The following DNAH11 variants were observed in gnomAD, a reference collection of about 807,000 sequenced individuals.
The protein encoded by DNAH11 is dynein axonemal heavy chain 11, also known as axonemal beta dynein heavy chain 11.
DNAH11 carries 442 observed loss-of-function variants against 526.0 expected under a neutral mutation model. The observed-to-expected ratio is 0.84, with a 90% CI of 0.78 to 0.91. The LOEUF (loss-of-function observed/expected upper bound fraction) is 0.91, where lower values mean the gene tolerates loss of function less well. Ranked by LOEUF, DNAH11 falls within the 40% of genes least tolerant of loss-of-function variation. The pLI is 0.00. For missense variants in DNAH11, 6,989 were observed against 5,448.7 expected (o/e 1.28, Z -8.90); for synonymous variants, 2,461 against 1,935.9 (o/e 1.27, Z -7.12).
At chr7:21,827,369 AT>A (rs1439347079) in intron 65 of DNAH11, among the ~76,000 whole-genome samples, 5 of 152,160 alleles carry the variant, frequency 3.3e-5, no homozygotes, top group Non-Finnish European at 5.9e-5. Context: ...TCTGGGAAGC[AT>A]CTTCATAAAA....
chr7:21,629,650 T>C (rs1408574393), intron 25 of DNAH11, among the ~76,000 whole-genome samples: 1 of 152,164 alleles, frequency 6.6e-6, no homozygotes, highest in African/African-American at 2.4e-5. Context: ...TCTTGCCTAA[T>C]TGGTTCCTTT....
At chr7:21,789,796 TCTTTCTTTCTTTTTTC>T (rs1221921380) in intron 61 of DNAH11, among the ~76,000 whole-genome samples, 5 of 70,644 alleles carry the variant, frequency 7.1e-5, no homozygotes, top group African/African-American at 1.0e-4. Flanking sequence ...TTTCTTTCTT[TCTTTCTTTCTTTTTTC>T]TTTCTTTCTT....
intron 10 of DNAH11, 93 bp from the exon 11 acceptor site, chr7:21,588,418 TA>T: frequency 1.3e-6 from 2 of 1,509,608 alleles, no homozygotes; most frequent in Non-Finnish European, 1.8e-6. Flanking sequence ...TATACTACTG[TA>T]AAAATACCAA....
chr7:21,874,027 G>A (rs1783604465), intron 74 of DNAH11, among the ~76,000 whole-genome samples: 1 of 151,838 alleles, frequency 6.6e-6, no homozygotes, highest in African/African-American at 2.4e-5. Flanking sequence ...CTGACCTCAG[G>A]TGATCCACCT....
chr7:21,802,861 A>G (rs922618814), intron 62 of DNAH11, among the ~76,000 whole-genome samples: 1 of 151,788 alleles, frequency 6.6e-6, no homozygotes, highest in Admixed American at 6.6e-5. Flanking sequence ...GGGAGTGACT[A>G]CTACTGGATA....
rs80267624 is a variant in DNAH11 at position 21,750,304 on chromosome 7, G to A, written c.8880G>A (p.Met2960Ile). The change falls in exon 54 of 82, where the codon ATG (methionine) becomes ATA (isoleucine). Residue 2960 changes from methionine (M) to isoleucine (I), a missense_variant. Physicochemically the swap from Met to Ile is conservative, Grantham distance 10 (BLOSUM62 1). Transcript: ENST00000409508. ...ATAATGAAGTTCATGCTCTGGGCAT[G>A]GTAGACTCCAGGGAAAACTGTTGGA... ...GIHNEVHALGMVDSRENCWKF... is the reference protein window; with the variant it reads ...GIHNEVHALGIVDSRENCWKF... 19 of 1,605,822 alleles carry A rather than the reference G, an allele frequency of 1.2e-5. No individual in the cohort carries two copies. The East Asian group carries it at 4.3e-4, about 36-fold the overall frequency.
At chr7:21,554,067 G>C (rs184517955) in intron 2 of DNAH11, among the ~76,000 whole-genome samples, 69 of 151,670 alleles carry the variant, frequency 4.5e-4, no homozygotes, top group African/African-American at 1.5e-3. Flanking sequence ...GGTTTTTGTT[G>C]AATCTCCAAT....
chr7:21,577,534 T>A (rs1321564244), intron 8 of DNAH11, among the ~76,000 whole-genome samples: 1 of 152,154 alleles, frequency 6.6e-6, no homozygotes, highest in Non-Finnish European at 1.5e-5. Flanking sequence ...GAGTCCAGAC[T>A]ATCACCCTGA....
At position 21,801,287 on chromosome 7, in the gene DNAH11, T is replaced by C. The variant is rs770992639; in HGVS notation, c.10165+12T>C. On this transcript the variant is annotated intron_variant, in intron 62 of 81. Transcript: ENST00000409508. The stretch of plus-strand genomic sequence containing the variant: ...GGAACTTGAGGCAAGTTAAACCTTT[T>C]CTTCCAAACATTCTAACTAAAATGT... 1 of 1,613,552 alleles carries C rather than the reference T, an allele frequency of 6.2e-7. No homozygotes were observed. Among genetic ancestry groups the C allele is most frequent in the Non-Finnish European group, 8.5e-7 (1 of 1,179,748 alleles).
At chr7:21,554,321 G>A (rs571164907) in intron 2 of DNAH11, among the ~76,000 whole-genome samples, 6 of 151,928 alleles carry the variant, frequency 3.9e-5, no homozygotes, top group Middle Eastern at 3.4e-3. Context: ...TTACAGGTGC[G>A]TACCACCATG....
At chr7:21,696,225 G>A in intron 35 of DNAH11, among the ~76,000 whole-genome samples, 1 of 152,028 alleles carries the variant, frequency 6.6e-6, no homozygotes, top group East Asian at 1.9e-4. Context: ...CTTAAAGTTT[G>A]CTTGTCCATC....
chr7:21,843,434 A>G (rs1263276521), intron 66 of DNAH11, among the ~76,000 whole-genome samples: 3 of 151,870 alleles, frequency 2.0e-5, no homozygotes, highest in African/African-American at 7.3e-5. Flanking sequence ...GCATATAACT[A>G]CACACAGATT....
chr7:21,663,379 T>TATGGAG (rs1365140626), intron 30 of DNAH11, among the ~76,000 whole-genome samples: 1 of 152,144 alleles, frequency 6.6e-6, no homozygotes, highest in Non-Finnish European at 1.5e-5. Flanking sequence ...GTTCTATTAT[T>TATGGAG]AGTTCTTTGA....
intron 30 of DNAH11, among the ~76,000 whole-genome samples, chr7:21,671,549 T>G (rs1782642870): frequency 6.6e-6 from 1 of 152,180 alleles, no homozygotes; most frequent in Non-Finnish European, 1.5e-5. Context: ...TTCTCTTTTT[T>G]TTCTTAATTG....
At chr7:21,588,228 T>A in intron 10 of DNAH11, 27 bp downstream of exon 10, 2 of 1,597,980 alleles carry the variant, frequency 1.3e-6, no homozygotes, top group African/African-American at 1.3e-5. Context: ...GTTGGACACA[T>A]TTACAATATC....
At chr7:21,811,455 C>CAAAA (rs33956308) in intron 63 of DNAH11, among the ~76,000 whole-genome samples, 2 of 144,132 alleles carry the variant, frequency 1.4e-5, no homozygotes, top group Non-Finnish European at 3.1e-5. Flanking sequence ...GATGCCATCT[C>CAAAA]AAAAAAAAAA....
chr7:21,842,686 C>G lies in DNAH11; in HGVS notation c.10834C>G (p.Leu3612Val). 1 of 1,613,752 alleles carries G rather than the reference C, an allele frequency of 6.2e-7. No individual in the cohort carries two copies. Among genetic ancestry groups the G allele is most frequent in the South Asian group, 1.1e-5 (1 of 91,030 alleles). The change falls in exon 66 of 82, where the codon CTA (leucine) becomes GTA (valine). Residue 3612 changes from leucine to valine, a missense_variant. Transcript: ENST00000409508. ...CAATTTCACAGTCACAGAAGATGGT[C>G]TAGAAGCCCAGCTGCTGGCAGAGGT... Reference protein sequence around the residue: ...LLNFTVTEDGLEAQLLAEVVS... With the variant: ...LLNFTVTEDGVEAQLLAEVVS...
At chr7:21,868,123 T>C in intron 72 of DNAH11, 116 bp downstream of exon 72, 1 of 892,796 alleles carries the variant, frequency 1.1e-6, no homozygotes, top group Non-Finnish European at 1.5e-6. Flanking sequence ...TTTTTTTTAA[T>C]TTGTTGAAGA....
At chr7:21,640,859 CTCTG>C (rs1033225677) in intron 28 of DNAH11, among the ~76,000 whole-genome samples, 5 of 152,158 alleles carry the variant, frequency 3.3e-5, no homozygotes, top group Non-Finnish European at 7.4e-5. Context: ...CATCCCCCGT[CTCTG>C]TCCATTTATC....
Sources: gnomAD v4.1 joint callset for allele counts (sites outside exome capture counted in the v4.1 genomes callset) on GRCh38, gnomAD v4.1.1 for gene constraint, MANE v1.5 for transcripts, NCBI Gene and HGNC (gene_info 2026-07-23, HGNC 2026-07-21) for gene names.